The following DMKN variants were observed in gnomAD, a reference collection of about 807,000 sequenced individuals.
DMKN encodes dermokine.
In DMKN, 58 loss-of-function variants were observed where a neutral mutation model predicts 67.6. That is an observed-to-expected ratio of 0.86 (90% CI 0.69 to 1.07). DMKN has a LOEUF of 1.07. Ranked by LOEUF, DMKN falls within the 50% of genes least tolerant of loss-of-function variation. The pLI, the probability that DMKN is intolerant of heterozygous loss-of-function variation, is 0.00. For synonymous variants in DMKN, 240 were observed against 232.3 expected, an observed-to-expected ratio of 1.03 and a Z score of -0.30; for missense variants, 596 against 601.5, an observed-to-expected ratio of 0.99 and a Z score of 0.10.
At chr19:35,510,139 C>T (rs1170492805) in intron 6 of DMKN, 45 bp downstream of exon 6, 1 of 1,579,726 alleles carries the variant, frequency 6.3e-7, no homozygotes, top group Non-Finnish European at 8.6e-7. Flanking sequence ...AGCTGCTCTC[C>T]TTTTCCTTCC....
intron 2 of DMKN, 32 bp downstream of exon 2, chr19:35,512,558 G>C (rs1306214783): frequency 6.2e-7 from 1 of 1,613,870 alleles, no homozygotes; most frequent in African/African-American, 1.3e-5. Flanking sequence ...AGGGAGGGAG[G>C]TGGCAGGTAG....
At chr19:35,501,322 C>T (rs2068324709) in intron 11 of DMKN, among the ~76,000 whole-genome samples, 1 of 152,190 alleles carries the variant, frequency 6.6e-6, no homozygotes, top group Non-Finnish European at 1.5e-5. Context: ...CCTGAGGTCA[C>T]AAACTGGTTG....
In DMKN at chr19:35,506,389, C is replaced by A. The variant is rs564066360; in HGVS notation, c.1039-403G>T. On this transcript the variant is annotated intron_variant, in intron 7 of 15. Transcript: ENST00000339686. ...TTAGAATGGATTGCTCCCATGGAACCCCACCCAGTCCCCTGAATCTCAATA... is the reference window on the plus strand; with the variant it reads ...TTAGAATGGATTGCTCCCATGGAACACCACCCAGTCCCCTGAATCTCAATA... 3.6e-4 allele frequency: 228 copies of A among 633,044 alleles called. 4 individuals carry two copies. The highest frequency in any genetic ancestry group is 3.4e-3 in the South Asian group (189 of 55,722). 39.2% of individuals were successfully genotyped at this position (633,044 alleles called of 1,614,324 possible). A position where few individuals can be genotyped will look rare whatever the true frequency, so the allele number is the denominator to read the frequency against.
At chr19:35,510,376 G>C (rs1484197595) in intron 5 of DMKN, 124 bp from the exon 6 acceptor site, 1 of 1,552,454 alleles carries the variant, frequency 6.4e-7, no homozygotes, top group Non-Finnish European at 8.7e-7. Context: ...CCAACCTCCA[G>C]ACCTTCCCCC....
intron 11 of DMKN, chr19:35,501,892 CTTCATG>C (rs2068450076): frequency 1.3e-6 from 2 of 1,580,568 alleles, no homozygotes; most frequent in African/African-American, 2.7e-5. Flanking sequence ...CAGTGGCCGG[CTTCATG>C]TTCATGTGCT....
chr19:35,505,876 G>T, intron 8 of DMKN, 63 bp downstream of exon 8: 6 of 1,613,884 alleles, frequency 3.7e-6, no homozygotes, highest in Non-Finnish European at 5.1e-6. Context: ...CCCAGACTGT[G>T]GGGCCAAGGG....
At chr19:35,503,445 G>A (rs1001129286) in intron 9 of DMKN, 1 of 1,549,538 alleles carries the variant, frequency 6.5e-7, no homozygotes, top group African/African-American at 1.4e-5. Context: ...AGCTTCTCTG[G>A]TCCTGGGCAA....
At position 35,501,434 on chromosome 19, in the gene DMKN, G is replaced by A. The variant is rs191400734; in HGVS notation, c.1239+702C>T. On this transcript the variant is annotated intron_variant, in intron 11 of 15. Transcript: ENST00000339686. ...TTCTTCGTGAAACATCAGACAACAC[G>A]CCACCCTGTTCACACATGCATGCAT... Among the ~76,000 whole-genome samples the A allele has an allele frequency of 2.0e-5, 3 of 152,292 alleles. No individual in the cohort carries two copies. The East Asian group carries it at 5.8e-4, about 29-fold the overall frequency.
Position 35,500,042 on chromosome 19 carries a change from T to A in DMKN, c.1288-13A>T, listed in dbSNP as rs1444344675. On this transcript the variant is annotated splice_polypyrimidine_tract_variant and intron_variant, in intron 12 of 15. Coordinates refer to ENST00000339686, the MANE Select transcript of DMKN (RefSeq NM_033317.5). ...TGTAATTGTAGTTCTGTGGAAGAAGTGGGCATGGCGGTTAGAACAGACGGA... is the reference window on the plus strand; with the variant it reads ...TGTAATTGTAGTTCTGTGGAAGAAGAGGGCATGGCGGTTAGAACAGACGGA... 2 of 1,614,194 alleles carry A rather than the reference T, an allele frequency of 1.2e-6. No homozygotes were observed. Among genetic ancestry groups the A allele is most frequent in the Non-Finnish European group, 1.7e-6 (2 of 1,180,022 alleles).
In DMKN at chr19:35,498,900, G is replaced by T; in HGVS notation, c.1360-3C>A. On this transcript the variant is annotated splice_polypyrimidine_tract_variant and splice_region_variant and intron_variant, in intron 13 of 15. Transcript: ENST00000339686. ...GAGGAAGAAGGTGAGACTCCCCCCT[G>T]CAAAAAGATCAAAGGAAAGTGATGT... 1.2e-6 allele frequency: 2 copies of T among 1,614,104 alleles called. No individual in the cohort carries two copies. The highest frequency in any genetic ancestry group is 1.7e-6 in the Non-Finnish European group (2 of 1,180,010).
Position 35,506,326 on chromosome 19 carries a change from C to T in DMKN, c.1039-340G>A, listed in dbSNP as rs147315559. On this transcript the variant is annotated intron_variant, in intron 7 of 15. Transcript: ENST00000339686. Reference sequence around the variant, plus strand: ...CTCTCTATAAAGCTGCCTTCTCTTCCTTACACAGCACCAAAAAGTTCACTT... The same window carrying T: ...CTCTCTATAAAGCTGCCTTCTCTTCTTTACACAGCACCAAAAAGTTCACTT... The T allele has an allele frequency of 1.5e-3, 1,238 of 837,808 alleles. 9 individuals carry two copies. Among genetic ancestry groups the T allele is most frequent in the African/African-American group, 0.013 (738 of 58,508 alleles). 51.9% of individuals were successfully genotyped at this position (837,808 alleles called of 1,614,324 possible).
intron 13 of DMKN, chr19:35,499,356 T>A (rs2067975040): frequency 1.0e-5 from 2 of 197,668 alleles, no homozygotes; most frequent in African/African-American, 4.7e-5. Flanking sequence ...GAGATGGAAA[T>A]ACACAGCCTG....
At chr19:35,501,752 C>T (rs2068403791) in intron 11 of DMKN, 2 of 1,451,440 alleles carry the variant, frequency 1.4e-6, no homozygotes, top group African/African-American at 1.4e-5. Context: ...CTGTCCTCCC[C>T]ATGCCGCAGC....
intron 12 of DMKN, chr19:35,500,240 G>GC: frequency 7.6e-7 from 1 of 1,316,926 alleles, no homozygotes; most frequent in Non-Finnish European, 1.0e-6. Flanking sequence ...CCAAATGGCC[G>GC]CCGCCTCCTC....
chr19:35,509,868 G>A lies in DMKN; in HGVS notation c.1038+43C>T, dbSNP rs201999501. 3.2e-4 allele frequency: 518 copies of A among 1,609,972 alleles called. 3 individuals are homozygous for A. The highest frequency in any genetic ancestry group is 2.1e-3 in the Middle Eastern group (13 of 6,056). On this transcript the variant is annotated intron_variant, in intron 7 of 15. Transcript: ENST00000339686. ...GGAGGAGTGGGCACAGTCCTGGGCAGGAACTGCAGTCCCCAGGAGACTTAA... is the reference window on the plus strand; with the variant it reads ...GGAGGAGTGGGCACAGTCCTGGGCAAGAACTGCAGTCCCCAGGAGACTTAA...
At chr19:35,509,862 T>C in intron 7 of DMKN, 49 bp downstream of exon 7, 1 of 1,610,022 alleles carries the variant, frequency 6.2e-7, no homozygotes. Context: ...GGCACAGTCC[T>C]GGGCAGGAAC....
Position 35,500,011 on chromosome 19 carries a change from G to C in DMKN, c.1306C>G (p.His436Asp), listed in dbSNP as rs781087960. The change falls in exon 13 of 16, where the codon CAT (histidine) becomes GAT (aspartate). Residue 436 changes from histidine (H) to aspartate (D), a missense_variant. By Grantham distance (81) the His-to-Asp change is moderately conservative. Coordinates refer to ENST00000339686, the MANE Select transcript of DMKN (RefSeq NM_033317.5). ...RDDQNYNYNQHAYPTAYGGKY... is the reference protein window; with the variant it reads ...RDDQNYNYNQDAYPTAYGGKY... The stretch of plus-strand genomic sequence containing the variant: ...CCACCATAGGCAGTGGGATACGCAT[G>C]CTGGTTGTAATTGTAGTTCTGTGGA... 1 of 1,614,248 alleles carries C rather than the reference G, an allele frequency of 6.2e-7. No individual in the cohort carries two copies. Among genetic ancestry groups the C allele is most frequent in the African/African-American group, 1.3e-5 (1 of 75,062 alleles).
chr19:35,500,392 CT>C (rs2068153579), intron 12 of DMKN, 140 bp downstream of exon 12: 1 of 1,551,704 alleles, frequency 6.4e-7, no homozygotes, highest in Non-Finnish European at 8.7e-7. Context: ...GAAGTTACAG[CT>C]GCCACCTCCT....
chr19:35,512,760 A>G lies in DMKN; in HGVS notation c.457T>C (p.Ser153Pro). ...ETSGGHGIFGSQGGLGGQGQG... is the reference protein window; with the variant it reads ...ETSGGHGIFGPQGGLGGQGQG... ...CCCTGGCCTCCAAGGCCACCTTGAG[A>G]GCCAAAGATGCCATGGCCTCCAGAA... The change falls in exon 2 of 16, where the codon TCT (serine) becomes CCT (proline). Residue 153 changes from serine to proline, a missense_variant. Coordinates refer to ENST00000339686, the MANE Select transcript of DMKN (RefSeq NM_033317.5). The G allele has an allele frequency of 6.2e-7, 1 of 1,613,884 alleles. No individual in the cohort carries two copies. The highest frequency in any genetic ancestry group is 8.5e-7 in the Non-Finnish European group (1 of 1,179,984).
Sources: gnomAD v4.1 joint callset for allele counts (sites outside exome capture counted in the v4.1 genomes callset) on GRCh38, gnomAD v4.1.1 for gene constraint, MANE v1.5 for transcripts, NCBI Gene and HGNC (gene_info 2026-07-23, HGNC 2026-07-21) for gene names.